The following ERGIC1 variants were observed in gnomAD, a reference collection of about 807,000 sequenced individuals.
ERGIC1 encodes endoplasmic reticulum-golgi intermediate compartment 1.
Under a neutral mutation model 38.3 loss-of-function variants are expected in ERGIC1, and 19 were observed. That is an observed-to-expected ratio of 0.50 (90% CI 0.35 to 0.73). The LOEUF (loss-of-function observed/expected upper bound fraction) is 0.73, where lower values mean the gene tolerates loss of function less well. ERGIC1 is among the 30% of genes least tolerant of loss of function. The pLI, the probability that ERGIC1 is intolerant of heterozygous loss-of-function variation, is 0.01. For synonymous variants in ERGIC1, 124 were observed against 157.6 expected (o/e 0.79, Z 1.60); for missense variants, 294 against 389.2 (o/e 0.76, Z 2.06).
intron 4 of ERGIC1, among the ~76,000 whole-genome samples, chr5:172,911,447 G>T (rs1763206657): frequency 1.3e-5 from 2 of 152,128 alleles, no homozygotes; most frequent in African/African-American, 4.8e-5. Context: ...GAGGGGCCAG[G>T]CAACCTCCAC....
intron 1 of ERGIC1, among the ~76,000 whole-genome samples, chr5:172,879,578 T>C (rs867064483): frequency 3.1e-4 from 47 of 152,258 alleles, no homozygotes; most frequent in African/African-American, 1.1e-3. Flanking sequence ...GCTTTGTTTT[T>C]TTTCCAAGTG....
At chr5:172,850,572 C>T (rs1004051265) in intron 1 of ERGIC1, among the ~76,000 whole-genome samples, 5 of 152,144 alleles carry the variant, frequency 3.3e-5, no homozygotes, top group Non-Finnish European at 5.9e-5. Flanking sequence ...GATCCTAGTG[C>T]TCCCACCCAC....
chr5:172,844,356 CT>C (rs1761235086), intron 1 of ERGIC1, among the ~76,000 whole-genome samples: 1 of 152,246 alleles, frequency 6.6e-6, no homozygotes, highest in Non-Finnish European at 1.5e-5. Flanking sequence ...TACAGATGCC[CT>C]GATTTTTCAA....
intron 1 of ERGIC1, among the ~76,000 whole-genome samples, chr5:172,870,627 G>T (rs1218106999): frequency 6.6e-6 from 1 of 152,220 alleles, no homozygotes; most frequent in African/African-American, 2.4e-5. Context: ...ATTTTCTCAT[G>T]TGGGCTTTCC....
At chr5:172,847,114 C>A (rs1016130948) in intron 1 of ERGIC1, among the ~76,000 whole-genome samples, 2 of 152,146 alleles carry the variant, frequency 1.3e-5, no homozygotes, top group Non-Finnish European at 1.5e-5. Flanking sequence ...ATGGGGTGCT[C>A]CGCTCCCCCT....
At chr5:172,905,931 T>C (rs1215455582) in intron 3 of ERGIC1, 11 of 382,344 alleles carry the variant, frequency 2.9e-5, no homozygotes, top group African/African-American at 2.1e-4. Flanking sequence ...GCTTTTAGCC[T>C]AATTGGTATT....
rs1271483042 is a variant in ERGIC1 at position 172,919,036 on chromosome 5, C to T, written c.375+4198C>T. ...CTCAGGCTTTCGTGCTATTGAGCAT[C>T]CACCTCACGCCTGGCTCTGTGCTTG... On this transcript the variant is annotated intron_variant, in intron 5 of 9. Transcript: ENST00000393784. 5.9e-5 allele frequency among the ~76,000 whole-genome samples: 9 copies of T among 152,314 alleles called. No individual in the cohort carries two copies. The South Asian group carries it at 1.9e-3, about 32-fold the overall frequency.
chr5:172,876,601 A>G (rs1472707216), intron 1 of ERGIC1, among the ~76,000 whole-genome samples: 1 of 152,204 alleles, frequency 6.6e-6, no homozygotes, highest in Admixed American at 6.5e-5. Flanking sequence ...GGTATAATCG[A>G]CTTACAATAA....
chr5:172,835,447 C>T (rs1761011204), intron 1 of ERGIC1, among the ~76,000 whole-genome samples: 1 of 151,126 alleles, frequency 6.6e-6, no homozygotes, highest in Admixed American at 6.6e-5. Context: ...ATAAGGTCTC[C>T]GCTTGTGACG....
chr5:172,870,120 G>A (rs2113153975), intron 1 of ERGIC1, among the ~76,000 whole-genome samples: 2 of 152,258 alleles, frequency 1.3e-5, no homozygotes, highest in South Asian at 4.1e-4. Context: ...AATACTTCAC[G>A]TTCAAGATTT....
chr5:172,865,589 C>T (rs1035210334), intron 1 of ERGIC1, among the ~76,000 whole-genome samples: 12 of 152,276 alleles, frequency 7.9e-5, no homozygotes, highest in African/African-American at 2.9e-4. Flanking sequence ...CTTTCAGTAC[C>T]CCAGAAAGCT....
intron 2 of ERGIC1, among the ~76,000 whole-genome samples, chr5:172,891,623 A>G (rs892078456): frequency 3.3e-5 from 5 of 152,036 alleles, no homozygotes; most frequent in Non-Finnish European, 7.4e-5. Flanking sequence ...TATTTTTAGT[A>G]GAGACGAGGC....
chr5:172,870,794 A>C (rs1427676308), intron 1 of ERGIC1, among the ~76,000 whole-genome samples: 3 of 152,132 alleles, frequency 2.0e-5, no homozygotes, highest in African/African-American at 7.2e-5. Context: ...CTCCTCTGCA[A>C]AGCCTCATTG....
chr5:172,885,275 G>A (rs971657441), intron 1 of ERGIC1, among the ~76,000 whole-genome samples: 5 of 149,228 alleles, frequency 3.4e-5, no homozygotes, highest in Admixed American at 1.4e-4. Context: ...GACTACAGGC[G>A]CACACCACCA....
At chr5:172,889,066 A>G (rs979471724) in intron 2 of ERGIC1, among the ~76,000 whole-genome samples, 8 of 152,140 alleles carry the variant, frequency 5.3e-5, no homozygotes, top group East Asian at 1.9e-4. Flanking sequence ...GGGTGGATCA[A>G]TTGACATCAG....
At chr5:172,914,080 CA>C (rs922447595) in intron 4 of ERGIC1, among the ~76,000 whole-genome samples, 1 of 151,426 alleles carries the variant, frequency 6.6e-6, no homozygotes. Context: ...ACTAAAAATA[CA>C]AAAAAAATTT....
intron 4 of ERGIC1, among the ~76,000 whole-genome samples, chr5:172,912,623 G>A (rs981275101): frequency 6.6e-6 from 1 of 152,098 alleles, no homozygotes; most frequent in African/African-American, 2.4e-5. Context: ...TCCTGACCTT[G>A]TGATCCACCC....
Position 172,834,319 on chromosome 5 carries a change from C to T in ERGIC1, c.-95C>T. ...GTGTCAGGGGGGCGGCCGGCGGGGG[C>T]GGGGCGGCCGGAGGAGGCGTTGGCA... On this transcript the variant is annotated 5_prime_UTR_variant, in exon 1 of 10. Coordinates refer to ENST00000393784, the MANE Select transcript of ERGIC1 (RefSeq NM_001031711.3). The surrounding 1 kb of genome is among the most constrained non-coding windows in gnomAD (Gnocchi z 4.1). 2.7e-6 allele frequency: 3 copies of T among 1,115,064 alleles called. No homozygotes were observed. Among genetic ancestry groups the T allele is most frequent in the African/African-American group, 1.7e-5 (1 of 60,500 alleles). 69.1% of individuals were successfully genotyped at this position (1,115,064 alleles called of 1,614,324 possible).
chr5:172,913,147 G>C (rs1384413702), intron 4 of ERGIC1, among the ~76,000 whole-genome samples: 1 of 152,214 alleles, frequency 6.6e-6, no homozygotes, highest in African/African-American at 2.4e-5. Flanking sequence ...TAACCTGCTC[G>C]AGGTCTCAGC....
Sources: gnomAD v4.1 joint callset for allele counts (sites outside exome capture counted in the v4.1 genomes callset) on GRCh38, gnomAD v4.1.1 for gene constraint, Gnocchi (gnomAD v3.1) non-coding constraint, MANE v1.5 for transcripts, NCBI Gene and HGNC (gene_info 2026-07-23, HGNC 2026-07-21) for gene names.